The following CASD1 variants were observed in gnomAD, a reference collection of about 807,000 sequenced individuals.
CASD1 encodes the protein N-acetylneuraminate (7)9-O-acetyltransferase.
Under a neutral mutation model 100.0 loss-of-function variants are expected in CASD1, and 41 were observed. That is an observed-to-expected ratio of 0.41 (90% CI 0.32 to 0.53). The LOEUF is 0.53. Among genes scored for constraint, CASD1 ranks in the 20% least tolerant of loss-of-function variants. The probability of loss-of-function intolerance (pLI) is 0.25; values close to 1 mark genes in which losing one functional copy is unlikely to be tolerated. For missense variants in CASD1, 774 were observed against 948.7 expected (o/e 0.82, Z 2.42); for synonymous variants, 321 against 315.6 (o/e 1.02, Z -0.18).
the CASD1 span, chr7:94,621,299 C>A: frequency 6.6e-6 from 1 of 152,240 alleles, no homozygotes; most frequent in Admixed American, 6.5e-5. Context: ...GGGCCACTAA[C>A]CCTACACAAA....
chr7:94,562,190 A>G, the CASD1 span, among the ~76,000 whole-genome samples: 2 of 152,162 alleles, frequency 1.3e-5, no homozygotes, highest in Non-Finnish European at 2.9e-5. Flanking sequence ...AAGAAGCAAG[A>G]GCTAAATTTG....
At chr7:94,543,038 G>C (rs1400995434) in intron 10 of CASD1, among the ~76,000 whole-genome samples, 2 of 152,186 alleles carry the variant, frequency 1.3e-5, no homozygotes, top group Non-Finnish European at 2.9e-5. Flanking sequence ...CTCTGAAGAA[G>C]AGTAGGATTT....
Position 94,509,979 on chromosome 7 carries a change from C to T in CASD1, c.-106C>T. ...GAGGCGCAGGTGGCGGCCTGGGGAG[C>T]TGGCGGCCGCTCCTCGCCTGGCTGC... On this transcript the variant is annotated 5_prime_UTR_variant, in exon 1 of 18. Coordinates refer to ENST00000297273, the MANE Select transcript of CASD1 (RefSeq NM_022900.5). The T allele has an allele frequency of 3.2e-6, 4 of 1,238,488 alleles. No individual in the cohort carries two copies. The highest frequency in any genetic ancestry group is 4.1e-6 in the Non-Finnish European group (4 of 981,762). 76.7% of individuals were successfully genotyped at this position (1,238,488 alleles called of 1,614,324 possible). A position where few individuals can be genotyped will look rare whatever the true frequency, so the allele number is the denominator to read the frequency against.
At chr7:94,601,470 A>AAAAAC in the CASD1 span, among the ~76,000 whole-genome samples, 1 of 130,092 alleles carries the variant, frequency 7.7e-6, no homozygotes, top group East Asian at 2.1e-4. Flanking sequence ...AAAAAAAAAA[A>AAAAAC]AAAAAACTAC....
At chr7:94,558,543 A>T (rs1263781898), downstream of CASD1, among the ~76,000 whole-genome samples, 2 of 152,198 alleles carry the variant, frequency 1.3e-5, no homozygotes, top group Middle Eastern at 3.2e-3. Flanking sequence ...AGTTCAATCC[A>T]TCTTACCACT....
chr7:94,603,180 G>A, the CASD1 span: 9 of 833,080 alleles, frequency 1.1e-5, no homozygotes, highest in South Asian at 3.2e-5. Flanking sequence ...GTCAACTGCA[G>A]TTAAAGTAAA....
At chr7:94,610,149 A>C in the CASD1 span, among the ~76,000 whole-genome samples, 8 of 152,368 alleles carry the variant, frequency 5.3e-5, no homozygotes, top group East Asian at 1.5e-3. Context: ...GACATTCTGG[A>C]AGAAAAACCA....
At chr7:94,585,357 T>A in the CASD1 span, 8 of 659,126 alleles carry the variant, frequency 1.2e-5, no homozygotes, top group Admixed American at 1.9e-4. Flanking sequence ...AGTTATGTTG[T>A]ATTATTTGGT....
At chr7:94,591,709 G>A in the CASD1 span, among the ~76,000 whole-genome samples, 1 of 152,128 alleles carries the variant, frequency 6.6e-6, no homozygotes, top group African/African-American at 2.4e-5. Flanking sequence ...CCTATGCCCT[G>A]TCGTTTCTTT....
chr7:94,539,375 A>G lies in CASD1; in HGVS notation c.1356+319A>G, dbSNP rs146317324. On this transcript the variant is annotated intron_variant, in intron 10 of 17. Transcript: ENST00000297273. ...GAACAGCTAATTTGAAGTTATCAGG[A>G]AACTTTGAAGAGGCCAGGTGTAGTG... Among the ~76,000 whole-genome samples the G allele has an allele frequency of 4.4e-3, 676 of 152,308 alleles. 5 individuals carry two copies. The highest frequency in any genetic ancestry group is 0.015 in the African/African-American group (642 of 41,572).
At chr7:94,591,724 G>A in the CASD1 span, among the ~76,000 whole-genome samples, 2 of 151,980 alleles carry the variant, frequency 1.3e-5, no homozygotes, top group African/African-American at 2.4e-5. Flanking sequence ...TTCTTTTCTA[G>A]CCTCCGTTTT....
the CASD1 span, among the ~76,000 whole-genome samples, chr7:94,574,569 G>T: frequency 6.6e-6 from 1 of 151,448 alleles, no homozygotes; most frequent in Non-Finnish European, 1.5e-5. Flanking sequence ...GTGGTCAGTG[G>T]TAACATTCCC....
At chr7:94,585,915 T>A in the CASD1 span, among the ~76,000 whole-genome samples, 2 of 152,016 alleles carry the variant, frequency 1.3e-5, no homozygotes, top group African/African-American at 4.8e-5. Flanking sequence ...CCTAATGGTT[T>A]GGGCCTAGTC....
chr7:94,573,688 A>T, the CASD1 span, among the ~76,000 whole-genome samples: 1 of 152,164 alleles, frequency 6.6e-6, no homozygotes, highest in Non-Finnish European at 1.5e-5. Context: ...GAATAGTTTG[A>T]TATCCACTTT....
rs1300409898 is a variant in CASD1 at position 94,552,391 on chromosome 7, G to A, written c.1998G>A (p.Glu666=). The A allele has an allele frequency of 5.0e-6, 8 of 1,610,914 alleles. No homozygotes were observed. Among genetic ancestry groups the A allele is most frequent in the Non-Finnish European group, 6.8e-6 (8 of 1,178,968 alleles). ...IWASSCKNKA[E]CNELHPSVSV... is the part of the protein sequence containing the mutation. ...CTAGCAGTTGTAAAAACAAAGCAGA[G>A]TGCAATGAACTCCATCCGTCTGTTT... The change falls in exon 16 of 18, where the codon GAG becomes GAA. Residue 666 remains glutamate, a synonymous_variant. Transcript: ENST00000297273.
chr7:94,532,733 A>G (rs973050277), intron 5 of CASD1, among the ~76,000 whole-genome samples: 4 of 152,188 alleles, frequency 2.6e-5, no homozygotes, highest in Non-Finnish European at 5.9e-5. Context: ...TTTAATAATC[A>G]TCAGTTTATT....
chr7:94,586,884 C>T, the CASD1 span: 2 of 985,178 alleles, frequency 2.0e-6, no homozygotes, highest in Non-Finnish European at 2.4e-6. Context: ...TGGTCTCTCT[C>T]CCTTTGGCAC....
At chr7:94,539,496 C>T (rs1719350519) in intron 10 of CASD1, among the ~76,000 whole-genome samples, 2 of 151,952 alleles carry the variant, frequency 1.3e-5, no homozygotes, top group Admixed American at 6.6e-5. Context: ...TGGTGAGACC[C>T]TGTCTCTACT....
the CASD1 span, among the ~76,000 whole-genome samples, chr7:94,609,844 A>G: frequency 6.6e-6 from 1 of 152,184 alleles, no homozygotes; most frequent in Non-Finnish European, 1.5e-5. Flanking sequence ...TGATCCAGCT[A>G]TCACTCTCCC....
Sources: allele counts gnomAD v4.1 joint callset (sites outside exome capture counted in the v4.1 genomes callset), GRCh38; gene constraint gnomAD v4.1.1; transcripts MANE v1.5; gene names NCBI Gene and HGNC (gene_info 2026-07-23, HGNC 2026-07-21).